WDR19: variants seen among roughly 807,000 people sequenced by gnomAD.
The protein encoded by WDR19 is WD repeat-containing protein 19.
A neutral mutation model predicts 180.0 loss-of-function variants in WDR19; 121 were observed. The ratio of observed to expected loss-of-function variants is 0.67; its 90% CI spans 0.58 to 0.78. The LOEUF (loss-of-function observed/expected upper bound fraction) is 0.78. Among genes scored for constraint, WDR19 ranks in the 30% least tolerant of loss-of-function variants. The probability of loss-of-function intolerance (pLI) is 0.00; values close to 1 mark genes in which losing one functional copy is unlikely to be tolerated. For synonymous variants in WDR19, 497 were observed against 540.7 expected, an observed-to-expected ratio of 0.92 and a Z score of 1.12; for missense variants, 1,450 against 1,640.7, an observed-to-expected ratio of 0.88 and a Z score of 2.01.
At position 39,186,161 on chromosome 4, in the gene WDR19, C is replaced by T. The variant is rs1349948744; in HGVS notation, c.98+344C>T. Among the ~76,000 whole-genome samples the T allele has an allele frequency of 2.6e-5, 4 of 152,044 alleles. No individual in the cohort carries two copies. The East Asian group carries it at 7.7e-4, about 29-fold the overall frequency. ...GAAAACACTGAAATCATTTGGATGGCAGCTTTATATACATAGATAAATGAA... is the reference window on the plus strand; with the variant it reads ...GAAAACACTGAAATCATTTGGATGGTAGCTTTATATACATAGATAAATGAA... On this transcript the variant is annotated intron_variant, in intron 2 of 36. Coordinates refer to ENST00000399820, the MANE Select transcript of WDR19 (RefSeq NM_025132.4).
chr4:39,262,934 G>GA (rs987577871), intron 28 of WDR19, among the ~76,000 whole-genome samples: 82 of 148,964 alleles, frequency 5.5e-4, no homozygotes, highest in Middle Eastern at 3.5e-3. Context: ...TTCCCCTGGG[G>GA]AAAAAAAAAA....
intron 24 of WDR19, among the ~76,000 whole-genome samples, chr4:39,247,118 G>A (rs766678867): frequency 4.6e-5 from 7 of 152,120 alleles, no homozygotes; most frequent in Non-Finnish European, 1.0e-4. Flanking sequence ...GGGGCGGACT[G>A]ACACCTCACA....
rs769027777 is a variant in WDR19 at position 39,214,699 on chromosome 4, A to G, written c.961+28A>G. 2.2e-6 allele frequency: 3 copies of G among 1,366,276 alleles called. No individual in the cohort carries two copies. The South Asian group carries it at 3.7e-5, about 17-fold the overall frequency. The allele number at this position is 1,366,276 out of a possible 1,614,324, so 84.6% of individuals were successfully genotyped here. A position where few individuals can be genotyped will look rare whatever the true frequency, so the allele number is the denominator to read the frequency against. ...ATTGATTTTTCTGAAGCAGATTGACATTTTATCATTCCAGTTACAGAGAGT... is the reference window on the plus strand; with the variant it reads ...ATTGATTTTTCTGAAGCAGATTGACGTTTTATCATTCCAGTTACAGAGAGT... On this transcript the variant is annotated intron_variant, in intron 10 of 36. Transcript: ENST00000399820.
intron 25 of WDR19, 102 bp from the exon 26 acceptor site, chr4:39,253,804 T>C: frequency 9.7e-7 from 1 of 1,034,878 alleles, no homozygotes; most frequent in Non-Finnish European, 1.4e-6. Context: ...AACTGCAATT[T>C]ATCTAAAAAT....
At chr4:39,187,264 C>CA (rs1422120050) in intron 3 of WDR19, among the ~76,000 whole-genome samples, 1 of 151,842 alleles carries the variant, frequency 6.6e-6, no homozygotes, top group Non-Finnish European at 1.5e-5. Flanking sequence ...ACTAAAAATA[C>CA]AAAAAAGTAG....
intron 21 of WDR19, among the ~76,000 whole-genome samples, chr4:39,241,307 A>G (rs1731914198): frequency 6.6e-6 from 1 of 152,158 alleles, no homozygotes; most frequent in South Asian, 2.1e-4. Flanking sequence ...AGCCTGGCCA[A>G]TGTGGCAAAA....
chr4:39,256,804 C>T (rs1177547944), intron 27 of WDR19, among the ~76,000 whole-genome samples: 1 of 152,158 alleles, frequency 6.6e-6, no homozygotes, highest in Non-Finnish European at 1.5e-5. Context: ...AGGCCTTCAT[C>T]CATCCTGTTC....
In WDR19 at chr4:39,257,231, A is replaced by G. The variant is rs190699740; in HGVS notation, c.3115-255A>G. Among the ~76,000 whole-genome samples, 38 of 152,310 alleles carry G rather than the reference A, an allele frequency of 2.5e-4. No homozygotes were observed. The East Asian group carries it at 5.4e-3, about 22-fold the overall frequency. On this transcript the variant is annotated intron_variant, in intron 27 of 36. Transcript: ENST00000399820. ...TGAATGAAAATAATTAAATCTTCCT[A>G]CTGAAAAGGGCACATTTTGCCTTTT...
chr4:39,241,841 C>A (rs1731990104), intron 21 of WDR19, among the ~76,000 whole-genome samples: 1 of 149,736 alleles, frequency 6.7e-6, no homozygotes, highest in African/African-American at 2.4e-5. Context: ...GTCCAATATT[C>A]TCTCCTCCAT....
At chr4:39,229,415 G>A (rs1327762323) in intron 17 of WDR19, among the ~76,000 whole-genome samples, 1 of 152,142 alleles carries the variant, frequency 6.6e-6, no homozygotes, top group African/African-American at 2.4e-5. Context: ...TACAAGAAAA[G>A]CCCTTAAGAA....
At chr4:39,189,626 A>G (rs751050812) in intron 3 of WDR19, 30 bp from the exon 4 acceptor site, 28 of 1,549,056 alleles carry the variant, frequency 1.8e-5, no homozygotes, top group Non-Finnish European at 2.3e-5. Context: ...AAAAAACTGT[A>G]TAGTGGTATT....
intron 24 of WDR19, among the ~76,000 whole-genome samples, chr4:39,246,388 C>T (rs1351174221): frequency 6.6e-6 from 1 of 151,968 alleles, no homozygotes; most frequent in African/African-American, 2.4e-5. Context: ...CTAAGATGGC[C>T]GAATAGGAAC....
intron 21 of WDR19, among the ~76,000 whole-genome samples, 164 bp from the exon 22 acceptor site, chr4:39,244,084 A>G (rs1371626910): frequency 6.6e-6 from 1 of 152,128 alleles, no homozygotes; most frequent in Non-Finnish European, 1.5e-5. Context: ...GTTTTTTTAA[A>G]AAAAAAAGTC....
chr4:39,234,796 GCT>G lies in WDR19; in HGVS notation c.2287_2288del (p.Leu763ThrfsTer23). 1 of 1,583,402 alleles carries G rather than the reference GCT, an allele frequency of 6.3e-7. No homozygotes were observed. Among genetic ancestry groups the G allele is most frequent in the Non-Finnish European group, 8.6e-7 (1 of 1,163,520 alleles). On this transcript the variant is annotated frameshift_variant, in exon 20 of 37. Coordinates refer to ENST00000399820, the MANE Select transcript of WDR19 (RefSeq NM_025132.4). LOFTEE classifies it high-confidence loss of function. The part of the protein sequence containing the change: ...MRRDLQHWDS[A>X]LQLAKHLAPD... Reference sequence around the variant, plus strand: ...AAGGGATTTACAGCATTGGGACAGTGCTCTACAACTGGCAAAGCATTTGGCCC... The same window carrying G: ...AAGGGATTTACAGCATTGGGACAGTGCTACAACTGGCAAAGCATTTGGCCC...
chr4:39,262,509 G>A (rs1254174857), intron 28 of WDR19, among the ~76,000 whole-genome samples: 1 of 152,140 alleles, frequency 6.6e-6, no homozygotes, highest in Non-Finnish European at 1.5e-5. Flanking sequence ...CCAAAGTGCT[G>A]TGATTACATG....
intron 14 of WDR19, among the ~76,000 whole-genome samples, chr4:39,219,996 A>G (rs1577911039): frequency 6.6e-6 from 1 of 152,176 alleles, no homozygotes; most frequent in South Asian, 2.1e-4. Context: ...AGGCGGGTGG[A>G]TTGCTTGAGC....
intron 17 of WDR19, among the ~76,000 whole-genome samples, chr4:39,229,613 T>G (rs1404734098): frequency 6.6e-6 from 1 of 152,230 alleles, no homozygotes; most frequent in Non-Finnish European, 1.5e-5. Flanking sequence ...GTTCTAATTC[T>G]TCCGAGCCTC....
chr4:39,232,417 A>G, intron 19 of WDR19, 145 bp downstream of exon 19: 2 of 642,460 alleles, frequency 3.1e-6, no homozygotes, highest in East Asian at 2.6e-5. Context: ...CTGAGGTCAG[A>G]AGTCCTAGAC....
In WDR19 at chr4:39,240,217, T is replaced by TAAATA. The variant is rs937742698; in HGVS notation, c.2364-55_2364-51dup. On this transcript the variant is annotated intron_variant, in intron 20 of 36. Coordinates refer to ENST00000399820, the MANE Select transcript of WDR19 (RefSeq NM_025132.4). Reference sequence around the variant, plus strand: ...AAAAAAAAAAAGGAAAAAGTACATGTAAATAAAATTCTAAAATATATATTA... The same window carrying TAAATA: ...AAAAAAAAAAAGGAAAAAGTACATGTAAATAAAATAAAATTCTAAAATATATATTA... 4.7e-6 allele frequency: 3 copies of TAAATA among 636,280 alleles called. No individual in the cohort carries two copies. The African/African-American group carries it at 6.1e-5, about 13-fold the overall frequency. 39.4% of individuals were successfully genotyped at this position (636,280 alleles called of 1,614,324 possible). A position where few individuals can be genotyped will look rare whatever the true frequency, so the allele number is the denominator to read the frequency against.
Sources: gnomAD v4.1 joint callset for allele counts (sites outside exome capture counted in the v4.1 genomes callset) on GRCh38, gnomAD v4.1.1 for gene constraint, MANE v1.5 for transcripts, NCBI Gene and HGNC (gene_info 2026-07-23, HGNC 2026-07-21) for gene names.